ZMYND8: variants seen among roughly 807,000 people sequenced by gnomAD.
ZMYND8 encodes zinc finger MYND-type containing 8.
ZMYND8 carries 37 observed loss-of-function variants against 140.8 expected under a neutral mutation model. The ratio of observed to expected loss-of-function variants is 0.26; its 90% CI spans 0.20 to 0.35. The LOEUF (loss-of-function observed/expected upper bound fraction) is 0.35, where lower values mean the gene tolerates loss of function less well. ZMYND8 is among the 10% of genes least tolerant of loss of function. The pLI is 1.00. For missense variants in ZMYND8, 1,068 were observed against 1,570.0 expected (o/e 0.68, Z 5.40); for synonymous variants, 592 against 597.1 (o/e 0.99, Z 0.12).
chr20:47,333,724 CAAAAAAAAAAAAAAAAAA>C (rs57968979), intron 2 of ZMYND8, among the ~76,000 whole-genome samples: 312 of 29,760 alleles, frequency 0.01, 5 homozygotes, highest in Middle Eastern at 0.045. Flanking sequence ...GACTCCGTCT[CAAAAAAAAAAAAAAAAAA>C]AAAAAAAAAA....
chr20:47,211,739 T>C (rs984144217), intron 22 of ZMYND8, among the ~76,000 whole-genome samples: 3 of 152,154 alleles, frequency 2.0e-5, no homozygotes, highest in Non-Finnish European at 4.4e-5. Context: ...GGGACAGAAT[T>C]ATTTTTTAAT....
chr20:47,294,865 G>T lies in ZMYND8; in HGVS notation c.454-86C>A. The T allele has an allele frequency of 1.6e-5, 21 of 1,307,856 alleles. No individual in the cohort carries two copies. The South Asian group carries it at 2.6e-4, about 16-fold the overall frequency. 81.0% of individuals were successfully genotyped at this position (1,307,856 alleles called of 1,614,324 possible). ...CTGATTTCTATTTTTTCAGTCAACTGACAGACAAAAAGCAATTCTCATCCC... is the reference window on the plus strand; with the variant it reads ...CTGATTTCTATTTTTTCAGTCAACTTACAGACAAAAAGCAATTCTCATCCC... On this transcript the variant is annotated intron_variant, in intron 4 of 22. Coordinates refer to ENST00000471951, the MANE Select transcript of ZMYND8 (RefSeq NM_001281775.3).
At chr20:47,302,506 T>C (rs1047615093) in intron 3 of ZMYND8, among the ~76,000 whole-genome samples, 1 of 152,108 alleles carries the variant, frequency 6.6e-6, no homozygotes, top group African/African-American at 2.4e-5. Context: ...CCCCGAGATA[T>C]CTCACTATGT....
chr20:47,211,980 G>A (rs1434123318), intron 22 of ZMYND8, among the ~76,000 whole-genome samples: 1 of 152,188 alleles, frequency 6.6e-6, no homozygotes, highest in Non-Finnish European at 1.5e-5. Flanking sequence ...GTGCATCAGT[G>A]ACCAAAAGGG....
At chr20:47,224,039 A>G (rs2037361965) in intron 19 of ZMYND8, among the ~76,000 whole-genome samples, 1 of 152,126 alleles carries the variant, frequency 6.6e-6, no homozygotes, top group East Asian at 1.9e-4. Context: ...GCCAAAAAAA[A>G]CACAGTGTCT....
chr20:47,281,985 G>T (rs929528987), intron 10 of ZMYND8, 117 bp downstream of exon 10: 34 of 852,364 alleles, frequency 4.0e-5, no homozygotes, highest in Non-Finnish European at 6.2e-5. Context: ...AAGATCAATG[G>T]TTGGTATCAT....
chr20:47,252,033 G>A (rs529928241), intron 12 of ZMYND8, among the ~76,000 whole-genome samples: 76 of 152,042 alleles, frequency 5.0e-4, no homozygotes, highest in African/African-American at 1.7e-3. Flanking sequence ...AGCAGTTCAC[G>A]CCTGTAATCC....
At chr20:47,349,104 A>G (rs1230152314) in intron 1 of ZMYND8, 1 of 152,254 alleles carries the variant, frequency 6.6e-6, no homozygotes, top group Non-Finnish European at 1.5e-5. Flanking sequence ...AAAAGGCCCA[A>G]AAAGACAGCC....
chr20:47,278,843 G>A lies in ZMYND8; in HGVS notation c.999-2048C>T, dbSNP rs189655349. On this transcript the variant is annotated intron_variant, in intron 10 of 22. Coordinates refer to ENST00000471951, the MANE Select transcript of ZMYND8 (RefSeq NM_001281775.3). ...TGAGATTCTGCGTTCAAAGTGAGCGGGCACAGATCAGGACTACTAGACAGG... is the reference window on the plus strand; with the variant it reads ...TGAGATTCTGCGTTCAAAGTGAGCGAGCACAGATCAGGACTACTAGACAGG... Among the ~76,000 whole-genome samples the A allele has an allele frequency of 2.1e-3, 323 of 152,026 alleles. 5 individuals are homozygous for A. The highest frequency in any genetic ancestry group is 0.019 in the South Asian group (89 of 4,792).
chr20:47,240,867 G>C (rs1437524730), intron 14 of ZMYND8, among the ~76,000 whole-genome samples: 6 of 151,864 alleles, frequency 4.0e-5, no homozygotes, highest in Non-Finnish European at 7.4e-5. Flanking sequence ...TTTATTTTAT[G>C]TTTTAAAGAG....
intron 10 of ZMYND8, among the ~76,000 whole-genome samples, chr20:47,279,009 G>A (rs1042271155): frequency 6.6e-6 from 1 of 151,770 alleles, no homozygotes; most frequent in Admixed American, 6.6e-5. Context: ...GCCACCAGGA[G>A]CTTATCACCA....
rs200833449 is a variant in ZMYND8, at chr20:47,300,884, TTGTGTGTGTGTGTG to T, written c.235-1951_235-1938del. Among the ~76,000 whole-genome samples the T allele has an allele frequency of 2.1e-3, 276 of 130,388 alleles. 5 individuals carry two copies. The highest frequency in any genetic ancestry group is 5.8e-3 in the African/African-American group (208 of 35,562). 85.5% of individuals were successfully genotyped at this position (130,388 alleles called of 152,430 possible). On this transcript the variant is annotated intron_variant, in intron 3 of 22. Coordinates refer to ENST00000471951, the MANE Select transcript of ZMYND8 (RefSeq NM_001281775.3). ...TGAGCGCCACCATGCACAACTAATT[TTGTGTGTGTGTGTG>T]TGTGTGTGTGTGTGTGTGTGTGTGT...
chr20:47,349,863 G>T, intron 1 of ZMYND8: 1 of 1,535,582 alleles, frequency 6.5e-7, no homozygotes, highest in Non-Finnish European at 8.7e-7. Context: ...AAACCCACTT[G>T]AAGGATTTCT....
At chr20:47,338,531 A>G (rs183031721) in intron 2 of ZMYND8, among the ~76,000 whole-genome samples, 1 of 152,228 alleles carries the variant, frequency 6.6e-6, no homozygotes, top group African/African-American at 2.4e-5. Flanking sequence ...TCAGCTTCAC[A>G]GACATCATAT....
intron 18 of ZMYND8, among the ~76,000 whole-genome samples, chr20:47,225,118 T>C (rs2037503410): frequency 6.6e-6 from 1 of 152,192 alleles, no homozygotes; most frequent in African/African-American, 2.4e-5. Flanking sequence ...AGGTGTCTCC[T>C]GTGGCACTGG....
At chr20:47,276,196 C>T (rs1601524599) in intron 11 of ZMYND8, 118 bp downstream of exon 11, 1 of 1,322,750 alleles carries the variant, frequency 7.6e-7, no homozygotes, top group Non-Finnish European at 9.8e-7. Flanking sequence ...TGCTCTGTGG[C>T]CCCCTACAGT....
intron 4 of ZMYND8, among the ~76,000 whole-genome samples, chr20:47,296,902 G>A (rs2077675014): frequency 6.6e-6 from 1 of 152,130 alleles, no homozygotes; most frequent in Admixed American, 6.5e-5. Context: ...GCTGCAGTGA[G>A]CAAGATCTCG....
intron 10 of ZMYND8, among the ~76,000 whole-genome samples, chr20:47,279,576 G>A (rs2076475431): frequency 6.6e-6 from 1 of 151,978 alleles, no homozygotes; most frequent in South Asian, 2.1e-4. Flanking sequence ...CTCTGCGGGG[G>A]ACAATATCTA....
chr20:47,255,824 GTA>G (rs531220424), intron 12 of ZMYND8, among the ~76,000 whole-genome samples: 5 of 132,654 alleles, frequency 3.8e-5, no homozygotes, highest in African/African-American at 1.1e-4. Context: ...ATATTTGTAT[GTA>G]TATATATATA....
Sources: allele counts gnomAD v4.1 joint callset (sites outside exome capture counted in the v4.1 genomes callset), GRCh38; gene constraint gnomAD v4.1.1; transcripts MANE v1.5; gene names NCBI Gene and HGNC (gene_info 2026-07-23, HGNC 2026-07-21).